STAT6: variants seen among roughly 807,000 people sequenced by gnomAD.
STAT6 encodes STAT, interleukin4-induced.
STAT6 carries 45 observed loss-of-function variants against 106.3 expected under a neutral mutation model. The ratio of observed to expected loss-of-function variants is 0.42; its 90% confidence interval spans 0.33 to 0.54. The LOEUF (loss-of-function observed/expected upper bound fraction) is 0.54, where lower values mean the gene tolerates loss of function less well. Among genes scored for constraint, STAT6 ranks in the 20% least tolerant of loss-of-function variants. The pLI is 0.06. For missense variants in STAT6, 797 were observed against 1,062.2 expected (o/e 0.75, Z 3.47); for synonymous variants, 413 against 413.6 (o/e 1.00, Z 0.02).
chr12:57,109,001 A>G (rs929868906), intron 1 of STAT6, among the ~76,000 whole-genome samples: 4 of 152,168 alleles, frequency 2.6e-5, no homozygotes, highest in African/African-American at 7.2e-5. Flanking sequence ...GATCAAGACC[A>G]TCCTGGCTAA....
intron 1 of STAT6, among the ~76,000 whole-genome samples, chr12:57,109,662 G>A (rs1277782979): frequency 2.6e-5 from 4 of 152,096 alleles, no homozygotes; most frequent in Non-Finnish European, 5.9e-5. Context: ...GGAGGAAAGA[G>A]CCTAGAAGAG....
Position 57,099,498 on chromosome 12 carries a change from A to T in STAT6, c.1745-58T>A. The T allele has an allele frequency of 6.2e-7, 1 of 1,608,180 alleles. No individual in the cohort carries two copies. Among genetic ancestry groups the T allele is most frequent in the South Asian group, 1.1e-5 (1 of 90,670 alleles). On this transcript the variant is annotated intron_variant, in intron 15 of 21. Coordinates refer to ENST00000300134, the MANE Select transcript of STAT6 (RefSeq NM_003153.5). This position sits in a 1 kb window ranked among gnomAD's most constrained non-coding sequence, Gnocchi z 4.7. ...GTCCGGACTTTCTTCCCCTTCCCCA[A>T]CCCCTACCATAAGACCTGTTCTCAC...
chr12:57,096,374 A>C lies in STAT6; in HGVS notation c.*198T>G. The C allele has an allele frequency of 1.7e-6, 1 of 590,774 alleles. No individual in the cohort carries two copies. Among genetic ancestry groups the C allele is most frequent in the Admixed American group, 3.2e-5 (1 of 31,688 alleles). 36.6% of individuals were successfully genotyped at this position (590,774 alleles called of 1,614,324 possible). ...AGTGCTGGAAGGAGGTGGGCAGGGG[A>C]ATGATAGAAAGGAAGGAGTGGATTG... On this transcript the variant is annotated 3_prime_UTR_variant, in exon 22 of 22. Transcript: ENST00000300134.
chr12:57,099,548 C>T lies in STAT6; in HGVS notation c.1745-108G>A, dbSNP rs1565682204. ...CTCCACCAAGGCAAGGGAGAGAGGA[C>T]CTAGGGTGGGGCTCCTGAGGGAGAG... On this transcript the variant is annotated intron_variant, in intron 15 of 21. Coordinates refer to ENST00000300134, the MANE Select transcript of STAT6 (RefSeq NM_003153.5). This position sits in a 1 kb window ranked among gnomAD's most constrained non-coding sequence, Gnocchi z 4.7. 2 of 1,508,888 alleles carry T rather than the reference C, an allele frequency of 1.3e-6. No homozygotes were observed. The highest frequency in any genetic ancestry group is 1.8e-6 in the Non-Finnish European group (2 of 1,105,772). The allele number at this position is 1,508,888 out of a possible 1,614,324, so 93.5% of individuals were successfully genotyped here. A position where few individuals can be genotyped will look rare whatever the true frequency, so the allele number is the denominator to read the frequency against.
At chr12:57,098,288 G>A (rs1470844243) in intron 19 of STAT6, among the ~76,000 whole-genome samples, 2 of 152,196 alleles carry the variant, frequency 1.3e-5, no homozygotes, top group Non-Finnish European at 2.9e-5. Context: ...AGGCACCAAA[G>A]GCTAAGTAAT....
chr12:57,107,327 G>A lies in STAT6; in HGVS notation c.256-13C>T, dbSNP rs1442787848. Reference sequence around the variant, plus strand: ...TCTGATATATGCTCTACAGAAATGAGGGTGGTAAACAGTGAGCTTTGCTCT... The same window carrying A: ...TCTGATATATGCTCTACAGAAATGAAGGTGGTAAACAGTGAGCTTTGCTCT... On this transcript the variant is annotated splice_polypyrimidine_tract_variant and intron_variant, in intron 3 of 21. Coordinates refer to ENST00000300134, the MANE Select transcript of STAT6 (RefSeq NM_003153.5). 1 of 1,612,218 alleles carries A rather than the reference G, an allele frequency of 6.2e-7. No homozygotes were observed. The highest frequency in any genetic ancestry group is 1.3e-5 in the African/African-American group (1 of 74,874).
rs1367416692 is a variant in STAT6, at chr12:57,100,688, GAAAGAAAGAAAGAGAA to G, written c.1513-614_1513-599del. ...AGAAAGAAAGAAAGAAAGAAAGAAA[GAAAGAAAGAAAGAGAA>G]AGAAAGAAAGAAAGAAAGAAAGAAA... On this transcript the variant is annotated intron_variant, in intron 13 of 21. Transcript: ENST00000300134. 9.7e-3 allele frequency among the ~76,000 whole-genome samples: 595 copies of G among 61,640 alleles called. 2 individuals carry two copies. The highest frequency in any genetic ancestry group is 0.023 in the Middle Eastern group (3 of 132). The allele number at this position is 61,640 out of a possible 152,430, so 40.4% of individuals were successfully genotyped here. A position where few individuals can be genotyped will look rare whatever the true frequency, so the allele number is the denominator to read the frequency against.
chr12:57,104,697 C>T (rs3024980), intron 10 of STAT6, 29 bp downstream of exon 10: 18,667 of 1,613,920 alleles, frequency 0.012, 149 homozygotes, highest in Non-Finnish European at 0.014. Context: ...CTAGTGGTGC[C>T]CCCCTCACTG....
intron 10 of STAT6, 54 bp from the exon 11 acceptor site, chr12:57,104,640 C>A: frequency 6.2e-7 from 1 of 1,612,570 alleles, no homozygotes; most frequent in South Asian, 1.1e-5. Flanking sequence ...AGAGACCGCT[C>A]CTCCTGGGCT....
intron 19 of STAT6, chr12:57,097,369 T>C: frequency 2.7e-6 from 1 of 370,022 alleles, no homozygotes; most frequent in African/African-American, 2.1e-5. Context: ...TTGGTAGTTC[T>C]TAAGTCCCCA....
rs770967270 is a variant in STAT6 at position 57,099,255 on chromosome 12, G to A, written c.1891+39C>T. ...GGCAGCGGGGAGCAGGGAGGAAGTG[G>A]GTGACAGGAAGGAATCAGAGCTGCC... On this transcript the variant is annotated intron_variant, in intron 16 of 21. Transcript: ENST00000300134. This position sits in a 1 kb window ranked among gnomAD's most constrained non-coding sequence, Gnocchi z 4.7. 1.9e-6 allele frequency: 3 copies of A among 1,612,984 alleles called. No individual in the cohort carries two copies. Among genetic ancestry groups the A allele is most frequent in the African/African-American group, 1.3e-5 (1 of 74,994 alleles).
At chr12:57,104,174 G>A in intron 11 of STAT6, 2 of 400,934 alleles carry the variant, frequency 5.0e-6, no homozygotes, top group South Asian at 6.0e-5. Context: ...TAATGTTATT[G>A]TGAAAACCAG....
intron 3 of STAT6, 85 bp from the exon 4 acceptor site, chr12:57,107,399 A>G: frequency 2.1e-6 from 3 of 1,396,514 alleles, no homozygotes; most frequent in Middle Eastern, 1.8e-4. Flanking sequence ...GCATTCACAC[A>G]TATACTATAA....
chr12:57,108,845 G>A (rs1257100976), intron 1 of STAT6, among the ~76,000 whole-genome samples: 1 of 152,130 alleles, frequency 6.6e-6, no homozygotes, highest in Non-Finnish European at 1.5e-5. Flanking sequence ...ACCTCCTGAC[G>A]CCAAAGGCAT....
At chr12:57,105,124 C>T in intron 9 of STAT6, 27 bp downstream of exon 9, 11 of 1,593,826 alleles carry the variant, frequency 6.9e-6, no homozygotes, top group Non-Finnish European at 9.4e-6. Flanking sequence ...CAGCCCTTCT[C>T]CAACCCCAGG....
At chr12:57,098,673 C>T (rs2033614313) in intron 18 of STAT6, 76 bp from the exon 19 acceptor site, 1 of 1,561,748 alleles carries the variant, frequency 6.4e-7, no homozygotes, top group Admixed American at 1.8e-5. Flanking sequence ...GAACAGGTGT[C>T]CCTCTCATGG....
Position 57,095,737 on chromosome 12 carries a change from CAGAG to C in STAT6, c.*831_*834del, listed in dbSNP as rs1487685710. On this transcript the variant is annotated 3_prime_UTR_variant, in exon 22 of 22. Transcript: ENST00000300134. Reference sequence around the variant, plus strand: ...AGAGTATTTGGGGGTTAGCATATGTCAGAGAGGCCAGCACACTTGCTGCTGTCTT... The same window carrying C: ...AGAGTATTTGGGGGTTAGCATATGTCAGGCCAGCACACTTGCTGCTGTCTT... 1 of 152,230 alleles carries C rather than the reference CAGAG, an allele frequency of 6.6e-6. No homozygotes were observed. The highest frequency in any genetic ancestry group is 2.4e-5 in the African/African-American group (1 of 41,456). 9.4% of individuals were successfully genotyped at this position (152,230 alleles called of 1,614,324 possible). A position where few individuals can be genotyped will look rare whatever the true frequency, so the allele number is the denominator to read the frequency against.
chr12:57,105,769 C>T, intron 7 of STAT6, 170 bp from the exon 8 acceptor site: 1 of 1,193,896 alleles, frequency 8.4e-7, no homozygotes, highest in South Asian at 1.6e-5. Flanking sequence ...ATCTGTTGGC[C>T]TAGGGTCTGG....
chr12:57,103,556 CA>C (rs1444268218), intron 11 of STAT6: 1 of 152,222 alleles, frequency 6.6e-6, no homozygotes, highest in Non-Finnish European at 1.5e-5. Flanking sequence ...CTTGGCCTCC[CA>C]AAGTGCTGAG....
Sources: gnomAD v4.1 joint callset for allele counts (sites outside exome capture counted in the v4.1 genomes callset) on GRCh38, gnomAD v4.1.1 for gene constraint, Gnocchi (gnomAD v3.1) non-coding constraint, MANE v1.5 for transcripts, NCBI Gene and HGNC (gene_info 2026-07-23, HGNC 2026-07-21) for gene names.